PDE10A: variants seen among roughly 807,000 people sequenced by gnomAD.
PDE10A encodes cAMP and cAMP-inhibited cGMP 3',5'-cyclic phosphodiesterase 10A.
PDE10A carries 39 observed loss-of-function variants against 97.7 expected under a neutral mutation model. The ratio of observed to expected loss-of-function variants is 0.40; its 90% CI spans 0.31 to 0.52. The LOEUF (loss-of-function observed/expected upper bound fraction) is 0.52, where lower values mean the gene tolerates loss of function less well. PDE10A is among the 20% of genes least tolerant of loss of function. The probability of loss-of-function intolerance (pLI) is 0.56; values close to 1 mark genes in which losing one functional copy is unlikely to be tolerated. For synonymous variants in PDE10A, 371 were observed against 376.8 expected, an observed-to-expected ratio of 0.98 and a Z score of 0.18; for missense variants, 731 against 1,047.8, an observed-to-expected ratio of 0.70 and a Z score of 4.17.
chr6:165,647,452 T>C (rs199633971), intron 1 of PDE10A, among the ~76,000 whole-genome samples: 1 of 152,058 alleles, frequency 6.6e-6, no homozygotes, highest in East Asian at 1.9e-4. Context: ...AGAAGTCCCA[T>C]AAATGGGGAA....
chr6:165,449,011 C>T (rs1319029217), intron 4 of PDE10A, 34 bp from the exon 5 acceptor site: 1 of 1,553,662 alleles, frequency 6.4e-7, no homozygotes, highest in Non-Finnish European at 8.9e-7. Context: ...AGAAACTGAG[C>T]TCAGTGGGAG....
chr6:165,630,635 C>A (rs943422703), intron 1 of PDE10A, among the ~76,000 whole-genome samples: 1 of 152,092 alleles, frequency 6.6e-6, no homozygotes, highest in African/African-American at 2.4e-5. Context: ...TTATTCTGAC[C>A]ACCATGGCTT....
chr6:165,807,407 T>C (rs4609007), intron 1 of PDE10A, among the ~76,000 whole-genome samples: 15,095 of 152,060 alleles, frequency 0.099, 890 homozygotes, highest in African/African-American at 0.17. Flanking sequence ...GCTCCAGGCA[T>C]CACTCTGAGT....
chr6:165,897,596 C>T (rs1781988966), intron 1 of PDE10A, among the ~76,000 whole-genome samples: 1 of 151,962 alleles, frequency 6.6e-6, no homozygotes, highest in Non-Finnish European at 1.5e-5. Context: ...ATGATGGGAT[C>T]ATGGCAGGGG....
At chr6:165,547,800 T>C (rs921433370) in intron 1 of PDE10A, among the ~76,000 whole-genome samples, 10 of 152,112 alleles carry the variant, frequency 6.6e-5, no homozygotes, top group Non-Finnish European at 1.3e-4. Flanking sequence ...TCAACAATGA[T>C]ACATTTTTAT....
intron 1 of PDE10A, among the ~76,000 whole-genome samples, chr6:165,886,231 ACCCTGGAG>A (rs1658934376): frequency 1.3e-5 from 2 of 148,824 alleles, no homozygotes; most frequent in Non-Finnish European, 3.0e-5. Flanking sequence ...GAGCCCTGGA[ACCCTGGAG>A]CCCTGCAGAC....
Position 165,523,159 on chromosome 6 carries a change from TGAAA to T in PDE10A, c.994+20277_994+20280del, listed in dbSNP as rs1323379136. On this transcript the variant is annotated intron_variant, in intron 2 of 21. Transcript: ENST00000539869. Reference sequence around the variant, plus strand: ...AACTGAAAATTCTATGCTTATGAATTGAAAGAAACAATATAATTAAAATGGCCTT... The same window carrying T: ...AACTGAAAATTCTATGCTTATGAATTGAAACAATATAATTAAAATGGCCTT... Among the ~76,000 whole-genome samples, 7 of 152,124 alleles carry T rather than the reference TGAAA, an allele frequency of 4.6e-5. No individual in the cohort carries two copies. The South Asian group carries it at 1.2e-3, about 27-fold the overall frequency.
At chr6:165,677,706 C>T (rs1790838617) in intron 1 of PDE10A, among the ~76,000 whole-genome samples, 1 of 152,148 alleles carries the variant, frequency 6.6e-6, no homozygotes, top group Non-Finnish European at 1.5e-5. Flanking sequence ...AGAGGTCCTA[C>T]AGAGCTCTAC....
chr6:165,714,941 G>A (rs1233224004), intron 1 of PDE10A, among the ~76,000 whole-genome samples: 1 of 74,668 alleles, frequency 1.3e-5, no homozygotes, highest in Non-Finnish European at 2.5e-5. Context: ...CCCCCTCAGT[G>A]GGTTGTTCCC....
intron 1 of PDE10A, among the ~76,000 whole-genome samples, chr6:165,786,479 C>T (rs1439953549): frequency 1.3e-5 from 2 of 152,198 alleles, no homozygotes; most frequent in African/African-American, 2.4e-5. Context: ...TTAAATGTAC[C>T]TGTGAGGGGT....
At chr6:165,679,657 C>T (rs183032110) in intron 1 of PDE10A, among the ~76,000 whole-genome samples, 8 of 152,282 alleles carry the variant, frequency 5.3e-5, no homozygotes, top group African/African-American at 1.9e-4. Context: ...TACAGTTGAG[C>T]CCATGAAGTT....
intron 1 of PDE10A, among the ~76,000 whole-genome samples, chr6:165,779,983 A>C (rs574665775): frequency 2.8e-4 from 42 of 152,288 alleles, no homozygotes; most frequent in African/African-American, 9.9e-4. Context: ...CTGGTGTCTT[A>C]AGACAAAAAC....
At chr6:165,383,011 G>A (rs1023511780) in intron 17 of PDE10A, among the ~76,000 whole-genome samples, 3 of 152,044 alleles carry the variant, frequency 2.0e-5, no homozygotes, top group Non-Finnish European at 2.9e-5. Context: ...TAGTGCAGAC[G>A]AATTGGAAGA....
chr6:165,570,194 C>G (rs1784985120), intron 1 of PDE10A, among the ~76,000 whole-genome samples: 1 of 152,004 alleles, frequency 6.6e-6, no homozygotes, highest in African/African-American at 2.4e-5. Context: ...CTAATGCTCT[C>G]CTTTCTGAAA....
At chr6:165,824,968 T>TAAAAAAAAAAA (rs71890265) in intron 1 of PDE10A, among the ~76,000 whole-genome samples, 39 of 92,280 alleles carry the variant, frequency 4.2e-4, no homozygotes, top group East Asian at 9.6e-4. Context: ...CCGTCTCTAC[T>TAAAAAAAAAAA]AAAAAAAAAA....
chr6:165,558,271 G>T (rs1784356378), intron 1 of PDE10A, among the ~76,000 whole-genome samples: 1 of 152,192 alleles, frequency 6.6e-6, no homozygotes, highest in Non-Finnish European at 1.5e-5. Context: ...ATACTATGCA[G>T]CCATAAAAGA....
chr6:165,902,702 C>G (rs1782147796), intron 1 of PDE10A, among the ~76,000 whole-genome samples: 1 of 152,182 alleles, frequency 6.6e-6, no homozygotes, highest in South Asian at 2.1e-4. Flanking sequence ...AGGTGTGGCG[C>G]ACGGGCTGTT....
Position 165,450,189 on chromosome 6 carries a change from T to G in PDE10A, c.1144+53A>C, listed in dbSNP as rs772330287. The G allele has an allele frequency of 6.9e-5, 89 of 1,294,986 alleles. No homozygotes were observed. In the Middle Eastern group the frequency reaches 1.7e-3, roughly 25 times the overall value. The allele number at this position is 1,294,986 out of a possible 1,614,324, so 80.2% of individuals were successfully genotyped here. ...TTAGTAAGTAGTTTTTGCTGCTTTT[T>G]GTAAAAGAATCTTTGCCCATTTTTT... On this transcript the variant is annotated intron_variant, in intron 4 of 21. Coordinates refer to ENST00000539869, the MANE Select transcript of PDE10A (RefSeq NM_001385079.1).
At chr6:165,721,920 A>G (rs1171832712) in intron 1 of PDE10A, among the ~76,000 whole-genome samples, 1 of 152,228 alleles carries the variant, frequency 6.6e-6, no homozygotes, top group African/African-American at 2.4e-5. Context: ...TACTTATTAC[A>G]GTCCCGCCAC....
Sources: allele counts gnomAD v4.1 joint callset (sites outside exome capture counted in the v4.1 genomes callset), GRCh38; gene constraint gnomAD v4.1.1; transcripts MANE v1.5; gene names NCBI Gene and HGNC (gene_info 2026-07-23, HGNC 2026-07-21).